Variants in PRUNE2 observed in about 807,000 individuals in gnomAD.
PRUNE2 encodes protein prune homolog 2.
A neutral mutation model predicts 252.0 loss-of-function variants in PRUNE2; 164 were observed. The observed-to-expected ratio is 0.65, with a 90% CI of 0.57 to 0.74. The LOEUF (loss-of-function observed/expected upper bound fraction) is 0.74, where lower values mean the gene tolerates loss of function less well. Among genes scored for constraint, PRUNE2 ranks in the 30% least tolerant of loss-of-function variants. The pLI is 0.00. For missense variants in PRUNE2, 3,495 were observed against 3,711.0 expected (o/e 0.94, Z 1.51); for synonymous variants, 1,292 against 1,350.2 (o/e 0.96, Z 0.94).
chr9:76,654,974 G>A (rs1848672615), intron 10 of PRUNE2, among the ~76,000 whole-genome samples: 1 of 152,052 alleles, frequency 6.6e-6, no homozygotes, highest in South Asian at 2.1e-4. Context: ...GTATGCCTTG[G>A]GTTGTAAACC....
At chr9:76,903,342 C>A (rs1441878400) in intron 1 of PRUNE2, among the ~76,000 whole-genome samples, 2 of 151,582 alleles carry the variant, frequency 1.3e-5, no homozygotes, top group Non-Finnish European at 2.9e-5. Context: ...ATATATAATG[C>A]CCACAGAATA....
intron 6 of PRUNE2, among the ~76,000 whole-genome samples, chr9:76,746,160 C>T (rs985859450): frequency 1.5e-4 from 23 of 152,078 alleles, no homozygotes; most frequent in African/African-American, 4.6e-4. Context: ...TCCTAAAACC[C>T]GTGGACTCTC....
chr9:76,710,759 C>T lies in PRUNE2; in HGVS notation c.1515G>A (p.Gln505=). The T allele has an allele frequency of 6.2e-7, 1 of 1,609,978 alleles. No individual in the cohort carries two copies. Among genetic ancestry groups the T allele is most frequent in the South Asian group, 1.1e-5 (1 of 90,130 alleles). The part of the protein sequence containing the change: ...NFDPAPMASG[Q]SQQSSHSADY... ...CTGCAGAATGAGAAGATTGCTGGGA[C>T]TGCCCAGAAGCCATGGGTGCTGGGT... The change falls in exon 8 of 19, where the codon CAG becomes CAA. Residue 505 remains glutamine (Q), a synonymous_variant. Transcript: ENST00000376718.
chr9:76,829,999 A>T (rs1281066876), intron 4 of PRUNE2, among the ~76,000 whole-genome samples: 3 of 152,252 alleles, frequency 2.0e-5, no homozygotes, highest in African/African-American at 7.2e-5. Flanking sequence ...AAATAGCTGA[A>T]GAATTACAAT....
intron 10 of PRUNE2, among the ~76,000 whole-genome samples, chr9:76,654,354 T>C (rs924350100): frequency 6.6e-6 from 1 of 152,242 alleles, no homozygotes; most frequent in African/African-American, 2.4e-5. Flanking sequence ...CTTTTCTGAA[T>C]GGAACATCAC....
intron 4 of PRUNE2, among the ~76,000 whole-genome samples, chr9:76,834,664 C>CTT (rs2132177913): frequency 6.6e-6 from 1 of 152,128 alleles, no homozygotes; most frequent in East Asian, 1.9e-4. Context: ...CTGATATTGG[C>CTT]TTATAGTTAA....
intron 16 of PRUNE2, among the ~76,000 whole-genome samples, chr9:76,626,894 T>G (rs1182024099): frequency 6.6e-6 from 1 of 152,108 alleles, no homozygotes; most frequent in Non-Finnish European, 1.5e-5. Context: ...ATAGATGACT[T>G]GAAGTCTCAG....
chr9:76,680,444 A>G (rs2043302237), intron 9 of PRUNE2, among the ~76,000 whole-genome samples: 1 of 152,218 alleles, frequency 6.6e-6, no homozygotes, highest in South Asian at 2.1e-4. Context: ...TGTTGGTGGG[A>G]ATATAAAATG....
intron 9 of PRUNE2, among the ~76,000 whole-genome samples, chr9:76,676,064 A>ATT (rs1175899748): frequency 1.8e-5 from 1 of 54,104 alleles, no homozygotes; most frequent in African/African-American, 3.8e-5. Flanking sequence ...TTAAAGTATA[A>ATT]TAAAAAAAAA....
At chr9:76,653,974 A>G (rs768240296) in intron 10 of PRUNE2, among the ~76,000 whole-genome samples, 3 of 152,204 alleles carry the variant, frequency 2.0e-5, no homozygotes, top group Non-Finnish European at 4.4e-5. Flanking sequence ...CTACTGTAGT[A>G]TAATAAGAAA....
Position 76,613,408 on chromosome 9 carries a change from G to A in PRUNE2, c.*1162C>T, listed in dbSNP as rs1828058175. On this transcript the variant is annotated 3_prime_UTR_variant, in exon 19 of 19. Transcript: ENST00000376718. ...GACAGTACAAAAACAAGTTTGTGTG[G>A]CTGTGTTTCAGTACCACTTTATTTA... The A allele has an allele frequency of 6.6e-6, 1 of 152,178 alleles. No individual in the cohort carries two copies. The highest frequency in any genetic ancestry group is 6.5e-5 in the Admixed American group (1 of 15,278). 9.4% of individuals were successfully genotyped at this position (152,178 alleles called of 1,614,324 possible).
Position 76,710,897 on chromosome 9 carries a change from G to T in PRUNE2, c.1377C>A (p.His459Gln). The T allele has an allele frequency of 1.3e-6, 2 of 1,550,668 alleles. No individual in the cohort carries two copies. Among genetic ancestry groups the T allele is most frequent in the Non-Finnish European group, 8.7e-7 (1 of 1,149,490 alleles). Reference sequence around the variant, plus strand: ...AGTCAAGCCCTGGGAGAAGGGTGTGGTGAGGCCCAGCACCTTCTCCCACGG... The same window carrying T: ...AGTCAAGCCCTGGGAGAAGGGTGTGTTGAGGCCCAGCACCTTCTCCCACGG... ...DSPVGEGAGP[H>Q]HTLLPGLDSY... Residue 459 changes from histidine (H) to glutamine (Q), a missense_variant, in exon 8 of 19, where the codon CAC becomes CAA. Physicochemically the swap from His to Gln is conservative, Grantham distance 24. Transcript: ENST00000376718.
intron 6 of PRUNE2, among the ~76,000 whole-genome samples, chr9:76,716,915 G>A (rs1044376379): frequency 6.6e-6 from 1 of 151,928 alleles, no homozygotes; most frequent in Non-Finnish European, 1.5e-5. Flanking sequence ...GCAGTGTTTG[G>A]TTTTCTGTTC....
chr9:76,829,520 G>A (rs969964367), intron 4 of PRUNE2, among the ~76,000 whole-genome samples: 2 of 152,130 alleles, frequency 1.3e-5, no homozygotes, highest in African/African-American at 4.8e-5. Context: ...AAGTTTTATT[G>A]GAACACAGCC....
At chr9:76,671,873 G>A (rs1277381693) in intron 9 of PRUNE2, among the ~76,000 whole-genome samples, 3 of 151,696 alleles carry the variant, frequency 2.0e-5, no homozygotes, top group African/African-American at 4.8e-5. Context: ...GTCACCACCA[G>A]GCCTGCCTTA....
Position 76,710,438 on chromosome 9 carries a change from G to A in PRUNE2, c.1836C>T (p.Pro612=), listed in dbSNP as rs761586985. Reference sequence around the variant, plus strand: ...GCGAGCTTTCTACTAAACTATTCATGGGTGTTGGTGGGATCCTCTTTCCAG... The same window carrying A: ...GCGAGCTTTCTACTAAACTATTCATAGGTGTTGGTGGGATCCTCTTTCCAG... ...KNTGKRIPPT[P]MNSLVESSPS... is the part of the protein sequence containing the mutation. Residue 612 remains proline, a synonymous_variant, in exon 8 of 19, where the codon CCC becomes CCT. Transcript: ENST00000376718. The A allele has an allele frequency of 6.8e-6, 11 of 1,613,854 alleles. No individual in the cohort carries two copies. The highest frequency in any genetic ancestry group is 1.3e-5 in the African/African-American group (1 of 74,912).
chr9:76,847,138 A>G (rs960406622), intron 3 of PRUNE2, among the ~76,000 whole-genome samples: 59 of 152,294 alleles, frequency 3.9e-4, no homozygotes, highest in African/African-American at 1.3e-3. Flanking sequence ...CAGCCTGGCC[A>G]ACATGGTGAA....
chr9:76,850,716 T>C (rs755174032), intron 2 of PRUNE2, 51 bp from the exon 3 acceptor site: 2 of 1,341,004 alleles, frequency 1.5e-6, no homozygotes, highest in African/African-American at 1.4e-5. Context: ...GAGGAAAGAA[T>C]ACAATTACAT....
intron 6 of PRUNE2, chr9:76,788,371 C>T (rs772812121): frequency 3.7e-5 from 28 of 750,050 alleles, no homozygotes; most frequent in Non-Finnish European, 6.2e-5. Context: ...ATTATATATA[C>T]TGGACATTAA....
Sources: allele counts gnomAD v4.1 joint callset (sites outside exome capture counted in the v4.1 genomes callset), GRCh38; gene constraint gnomAD v4.1.1; transcripts MANE v1.5; gene names NCBI Gene and HGNC (gene_info 2026-07-23, HGNC 2026-07-21).